Variants in NFXL1 observed in about 807,000 individuals in gnomAD.
NFXL1 encodes the protein nuclear transcription factor, X-box binding like 1.
In NFXL1, 66 loss-of-function variants were observed where a neutral mutation model predicts 123.3. The observed-to-expected ratio is 0.54, with a 90% CI of 0.44 to 0.66. The LOEUF (loss-of-function observed/expected upper bound fraction) is 0.66, where lower values mean the gene tolerates loss of function less well. Among genes scored for constraint, NFXL1 ranks in the 30% least tolerant of loss-of-function variants. The pLI is 0.00. For missense variants in NFXL1, 944 were observed against 1,125.6 expected, an observed-to-expected ratio of 0.84 and a Z score of 2.31; for synonymous variants, 346 against 360.8, an observed-to-expected ratio of 0.96 and a Z score of 0.46.
intron 18 of NFXL1, among the ~76,000 whole-genome samples, chr4:47,874,822 T>G (rs1735647159): frequency 6.6e-6 from 1 of 152,216 alleles, no homozygotes; most frequent in Admixed American, 6.5e-5. Flanking sequence ...AAATTCTAAT[T>G]TGACATAGTC....
rs1339580985 is a variant in NFXL1 at position 47,862,923 on chromosome 4, T to C, written c.2247-8A>G. ...TCAGCTGTGGTTATTTTTCTAAAAA[T>C]AAGAAAGTTGATGACATTCAAACAA... On this transcript the variant is annotated splice_region_variant and splice_polypyrimidine_tract_variant and intron_variant, in intron 18 of 22. Coordinates refer to ENST00000507489, the MANE Select transcript of NFXL1 (RefSeq NM_001278624.2). 7 of 1,523,864 alleles carry C rather than the reference T, an allele frequency of 4.6e-6. No homozygotes were observed. The highest frequency in any genetic ancestry group is 1.4e-5 in the African/African-American group (1 of 71,168). 94.4% of individuals were successfully genotyped at this position (1,523,864 alleles called of 1,614,324 possible).
chr4:47,913,892 C>A, intron 2 of NFXL1, 77 bp downstream of exon 2: 2 of 951,600 alleles, frequency 2.1e-6, no homozygotes, highest in Admixed American at 2.8e-5. Context: ...AGAAAGAAGG[C>A]GAGGGCGGAG....
At chr4:47,877,304 C>A in intron 17 of NFXL1, 1 of 383,288 alleles carries the variant, frequency 2.6e-6, no homozygotes, top group Admixed American at 3.1e-5. Context: ...CTTCCAATAT[C>A]AAGTTCTATC....
chr4:47,849,756 A>G (rs1466211147), intron 22 of NFXL1, among the ~76,000 whole-genome samples: 5 of 152,118 alleles, frequency 3.3e-5, no homozygotes, highest in Non-Finnish European at 5.9e-5. Context: ...ATCTGTAGGA[A>G]ATTGGTTCTA....
chr4:47,897,546 C>G (rs546114102), intron 9 of NFXL1, among the ~76,000 whole-genome samples: 1 of 152,236 alleles, frequency 6.6e-6, no homozygotes, highest in East Asian at 1.9e-4. Context: ...TCAAACCCCA[C>G]CAGACTGGTA....
chr4:47,848,507 T>C (rs113190437), intron 22 of NFXL1, among the ~76,000 whole-genome samples, 171 bp from the exon 23 acceptor site: 70 of 152,318 alleles, frequency 4.6e-4, no homozygotes, highest in African/African-American at 1.4e-3. Context: ...ATTCAACAAA[T>C]TCAGGGTTTA....
At chr4:47,872,679 G>A (rs1735526147) in intron 18 of NFXL1, among the ~76,000 whole-genome samples, 1 of 152,046 alleles carries the variant, frequency 6.6e-6, no homozygotes, top group Admixed American at 6.6e-5. Flanking sequence ...AAAAAACAAT[G>A]TGTATACCTT....
rs1043290415 is a variant in NFXL1 at position 47,858,139 on chromosome 4, C to T, written c.2317-2976G>A. Reference sequence around the variant, plus strand: ...CTAATCCTGAAAACGTATTCAAACTCACCAGTAATCAGAGAATGTAAATTA... The same window carrying T: ...CTAATCCTGAAAACGTATTCAAACTTACCAGTAATCAGAGAATGTAAATTA... On this transcript the variant is annotated intron_variant, in intron 19 of 22. Coordinates refer to ENST00000507489, the MANE Select transcript of NFXL1 (RefSeq NM_001278624.2). Among the ~76,000 whole-genome samples the T allele has an allele frequency of 7.2e-5, 11 of 152,250 alleles. No individual in the cohort carries two copies. The South Asian group carries it at 2.1e-3, about 29-fold the overall frequency.
chr4:47,885,706 AT>A (rs762697125), intron 13 of NFXL1, 49 bp from the exon 14 acceptor site: 8 of 1,507,326 alleles, frequency 5.3e-6, no homozygotes, highest in Non-Finnish European at 6.4e-6. Flanking sequence ...TCATTGAATA[AT>A]TACATCTAAA....
intron 15 of NFXL1, among the ~76,000 whole-genome samples, chr4:47,881,421 T>A (rs1736108085): frequency 6.6e-6 from 1 of 152,152 alleles, no homozygotes; most frequent in African/African-American, 2.4e-5. Context: ...TCTCACTCAC[T>A]GTTGTGAGAA....
intron 22 of NFXL1, among the ~76,000 whole-genome samples, chr4:47,849,920 T>C (rs1734020576): frequency 6.6e-6 from 1 of 151,894 alleles, no homozygotes; most frequent in South Asian, 2.1e-4. Context: ...TGTAAATAGG[T>C]GTTACACTGT....
intron 20 of NFXL1, 74 bp downstream of exon 20, chr4:47,854,984 CA>C: frequency 2.0e-6 from 1 of 491,498 alleles, no homozygotes; most frequent in Non-Finnish European, 3.4e-6. Flanking sequence ...ACACATAGAT[CA>C]AAAAACAAGA....
rs1204081819 is a variant in NFXL1 at position 47,914,015 on chromosome 4, C to T, written c.189G>A (p.Arg63=). 6.5e-7 allele frequency: 1 copy of T among 1,548,510 alleles called. No homozygotes were observed. The highest frequency in any genetic ancestry group is 2.4e-5 in the East Asian group (1 of 40,896). The change falls in exon 2 of 23, where the codon AGG becomes AGA. Residue 63 remains arginine (R), a synonymous_variant. Coordinates refer to ENST00000507489, the MANE Select transcript of NFXL1 (RefSeq NM_001278624.2). ...GGGCTTGGGATCCTGCGGGGCTGTG[C>T]CTGCTCCCTGCAGCCGCCGTGGTCG... ...GVATTAAAGS[R]HSPAGSQALQ...
intron 19 of NFXL1, among the ~76,000 whole-genome samples, chr4:47,857,836 G>C (rs1292054645): frequency 6.6e-6 from 1 of 152,170 alleles, no homozygotes; most frequent in African/African-American, 2.4e-5. Context: ...AAACTTAAAA[G>C]AGCGAGATGG....
intron 19 of NFXL1, among the ~76,000 whole-genome samples, chr4:47,859,848 AAAAAAAAAAAAAAAAAAAAAAAC>A (rs1427330407): frequency 2.1e-5 from 1 of 48,646 alleles, no homozygotes; most frequent in Non-Finnish European, 4.2e-5. Flanking sequence ...TCTCAAAAAA[AAAAAAAAAAAAAAAAAAAAAAAC>A]AAACAAACAA....
intron 17 of NFXL1, 68 bp downstream of exon 17, chr4:47,878,457 G>T: frequency 8.5e-7 from 1 of 1,175,854 alleles, no homozygotes. Flanking sequence ...AAATATTTAT[G>T]GTATAACTGT....
intron 5 of NFXL1, 142 bp from the exon 6 acceptor site, chr4:47,899,690 C>T (rs1737278221): frequency 1.6e-6 from 1 of 606,350 alleles, no homozygotes; most frequent in Middle Eastern, 4.4e-4. Flanking sequence ...AGTGAAAAAA[C>T]AAGATCTTAT....
intron 18 of NFXL1, among the ~76,000 whole-genome samples, chr4:47,871,708 T>A (rs1470593669): frequency 6.6e-6 from 1 of 152,156 alleles, no homozygotes; most frequent in Non-Finnish European, 1.5e-5. Context: ...ACAAAACTTC[T>A]AAGACTAAAA....
At chr4:47,870,084 T>C (rs1339319047) in intron 18 of NFXL1, among the ~76,000 whole-genome samples, 2 of 152,146 alleles carry the variant, frequency 1.3e-5, no homozygotes, top group Non-Finnish European at 2.9e-5. Context: ...CAGGCCCAGA[T>C]GGTTTCATAG....
Sources: allele counts gnomAD v4.1 joint callset (sites outside exome capture counted in the v4.1 genomes callset), GRCh38; gene constraint gnomAD v4.1.1; transcripts MANE v1.5; gene names NCBI Gene and HGNC (gene_info 2026-07-23, HGNC 2026-07-21).